The following SNX6 variants were observed in gnomAD, a reference collection of about 807,000 sequenced individuals.
The protein encoded by SNX6 is sorting nexin-6.
Under a neutral mutation model 63.0 loss-of-function variants are expected in SNX6, and 34 were observed. The ratio of observed to expected loss-of-function variants is 0.54; its 90% CI spans 0.41 to 0.72. The LOEUF is 0.72. Ranked by LOEUF, SNX6 falls within the 30% of genes least tolerant of loss-of-function variation. The pLI is 0.00. For synonymous variants in SNX6, 170 were observed against 164.2 expected, an observed-to-expected ratio of 1.04 and a Z score of -0.27; for missense variants, 398 against 471.4, an observed-to-expected ratio of 0.84 and a Z score of 1.44.
chr14:34,564,020 T>C (rs1881055120), intron 13 of SNX6, among the ~76,000 whole-genome samples: 1 of 152,058 alleles, frequency 6.6e-6, no homozygotes, highest in Non-Finnish European at 1.5e-5. Flanking sequence ...ATTACAGGCG[T>C]GAGCCACTGC....
At chr14:34,611,941 G>C (rs1364279947) in intron 2 of SNX6, among the ~76,000 whole-genome samples, 1 of 151,866 alleles carries the variant, frequency 6.6e-6, no homozygotes, top group African/African-American at 2.4e-5. Context: ...ACCACGCCTG[G>C]CTCATTTTTT....
At chr14:34,619,642 T>C (rs940541060) in intron 2 of SNX6, among the ~76,000 whole-genome samples, 4 of 152,098 alleles carry the variant, frequency 2.6e-5, no homozygotes, top group Admixed American at 6.6e-5. Context: ...TCTTATGTAA[T>C]ATAAAATTAA....
chr14:34,602,255 G>A (rs577063328), intron 6 of SNX6, among the ~76,000 whole-genome samples: 5 of 151,912 alleles, frequency 3.3e-5, no homozygotes, highest in South Asian at 2.1e-4. Context: ...GAGAAACCCC[G>A]TCTCTACTAA....
At chr14:34,625,034 GC>G (rs1299471694) in intron 2 of SNX6, among the ~76,000 whole-genome samples, 2 of 151,966 alleles carry the variant, frequency 1.3e-5, no homozygotes, top group Non-Finnish European at 2.9e-5. Context: ...TCCCGCCTCA[GC>G]CTCCCGAGTA....
chr14:34,609,944 C>G (rs1049193167), intron 2 of SNX6, among the ~76,000 whole-genome samples: 2 of 152,106 alleles, frequency 1.3e-5, no homozygotes, highest in African/African-American at 4.8e-5. Context: ...CTATAGTATT[C>G]AATTCTAGAA....
At position 34,614,314 on chromosome 14, in the gene SNX6, A is replaced by G. The variant is rs537939386; in HGVS notation, c.55-4572T>C. Among the ~76,000 whole-genome samples, 11 of 151,948 alleles carry G rather than the reference A, an allele frequency of 7.2e-5. No individual in the cohort carries two copies. The South Asian group carries it at 2.1e-3, about 29-fold the overall frequency. ...ACAAAAATTAGCCCAGCCTGGTGGG[A>G]CACACCTGTAGTCCCAGCTAGCTGA... is the stretch of plus-strand genomic sequence containing the variant. On this transcript the variant is annotated intron_variant, in intron 2 of 13. Transcript: ENST00000362031.
intron 10 of SNX6, among the ~76,000 whole-genome samples, chr14:34,577,202 C>T (rs1367260775): frequency 6.6e-6 from 1 of 152,122 alleles, no homozygotes; most frequent in African/African-American, 2.4e-5. Context: ...CCTGCCTCAG[C>T]CTCCCTAGTA....
At chr14:34,612,685 C>T (rs1012065439) in intron 2 of SNX6, among the ~76,000 whole-genome samples, 6 of 151,696 alleles carry the variant, frequency 4.0e-5, no homozygotes, top group Non-Finnish European at 8.8e-5. Flanking sequence ...CCACCTGCCT[C>T]AGCCTCCCAA....
At chr14:34,582,304 G>C (rs1056298267) in intron 9 of SNX6, among the ~76,000 whole-genome samples, 2 of 151,688 alleles carry the variant, frequency 1.3e-5, no homozygotes, top group African/African-American at 2.4e-5. Flanking sequence ...GCTAACTTTT[G>C]TATTTTTAGT....
intron 10 of SNX6, among the ~76,000 whole-genome samples, chr14:34,577,557 G>A (rs1881759083): frequency 1.3e-5 from 2 of 152,128 alleles, no homozygotes; most frequent in Non-Finnish European, 2.9e-5. Flanking sequence ...ATAACCAGAA[G>A]TGGTATGTTT....
intron 2 of SNX6, among the ~76,000 whole-genome samples, chr14:34,629,065 G>A (rs1211068443): frequency 2.0e-5 from 3 of 151,856 alleles, no homozygotes; most frequent in Non-Finnish European, 4.4e-5. Flanking sequence ...GTATGTGGGG[G>A]GTGAGTGGGT....
intron 2 of SNX6, among the ~76,000 whole-genome samples, chr14:34,620,662 C>G (rs931985159): frequency 1.3e-5 from 2 of 150,832 alleles, no homozygotes; most frequent in African/African-American, 2.4e-5. Context: ...GACATGGGGC[C>G]GGGCATGGTG....
chr14:34,592,532 A>G (rs142300183), intron 8 of SNX6, among the ~76,000 whole-genome samples: 77 of 152,268 alleles, frequency 5.1e-4, no homozygotes, highest in African/African-American at 1.8e-3. Flanking sequence ...AAAAAGGCAA[A>G]AACTATCACA....
chr14:34,602,930 G>A (rs1224505214), intron 6 of SNX6, among the ~76,000 whole-genome samples: 5 of 127,746 alleles, frequency 3.9e-5, no homozygotes, highest in Non-Finnish European at 8.2e-5. Flanking sequence ...GAGCTGAGAT[G>A]ACGCCACTGC....
chr14:34,563,664 T>TAAGG (rs1881034722), intron 13 of SNX6, among the ~76,000 whole-genome samples: 1 of 152,186 alleles, frequency 6.6e-6, no homozygotes, highest in East Asian at 1.9e-4. Context: ...ACATAAAGGT[T>TAAGG]TAAATACATA....
chr14:34,590,783 C>T (rs754893001), intron 8 of SNX6, among the ~76,000 whole-genome samples: 1 of 152,164 alleles, frequency 6.6e-6, no homozygotes, highest in African/African-American at 2.4e-5. Flanking sequence ...AAAGCATGTC[C>T]GTACAAAAAG....
intron 9 of SNX6, among the ~76,000 whole-genome samples, chr14:34,583,682 G>A (rs1882036473): frequency 1.3e-5 from 2 of 152,012 alleles, no homozygotes; most frequent in Middle Eastern, 3.2e-3. Context: ...TAATTAAAAT[G>A]ACATCATAAA....
In SNX6 at chr14:34,562,908, ACT is replaced by A. The variant is rs1455939380; in HGVS notation, c.*212_*213del. On this transcript the variant is annotated 3_prime_UTR_variant, in exon 14 of 14. Transcript: ENST00000362031. Reference sequence around the variant, plus strand: ...TATGACGAGTGCACGATGATGGACCACTGTCATGGGGAACACAGTGCGGCATC... The same window carrying A: ...TATGACGAGTGCACGATGATGGACCAGTCATGGGGAACACAGTGCGGCATC... 1 of 561,754 alleles carries A rather than the reference ACT, an allele frequency of 1.8e-6. No homozygotes were observed. Among genetic ancestry groups the A allele is most frequent in the Non-Finnish European group, 3.2e-6 (1 of 312,840 alleles). The allele number at this position is 561,754 out of a possible 1,614,324, so 34.8% of individuals were successfully genotyped here.
In SNX6 at chr14:34,593,034, A is replaced by G. The variant is rs550061305; in HGVS notation, c.718+11T>C. ...TAAAAGATATAAGCTTTAGCCACAG[A>G]AAAATCTTACTTTTGTGGGATCTTG... On this transcript the variant is annotated intron_variant, in intron 8 of 13. Coordinates refer to ENST00000362031, the MANE Select transcript of SNX6 (RefSeq NM_152233.4). 3.9e-6 allele frequency: 6 copies of G among 1,546,718 alleles called. No individual in the cohort carries two copies. The East Asian group carries it at 1.4e-4, about 35-fold the overall frequency.
Sources: allele counts gnomAD v4.1 joint callset (sites outside exome capture counted in the v4.1 genomes callset), GRCh38; gene constraint gnomAD v4.1.1; transcripts MANE v1.5; gene names NCBI Gene and HGNC (gene_info 2026-07-23, HGNC 2026-07-21).